ITGB1BP2: variants seen among roughly 807,000 people sequenced by gnomAD.
ITGB1BP2 encodes integrin beta-1-binding protein 2.
In ITGB1BP2, 27 loss-of-function variants were observed where a neutral mutation model predicts 32.2. That is an observed-to-expected ratio of 0.84 (90% CI 0.62 to 1.16). ITGB1BP2 has a LOEUF of 1.16. ITGB1BP2 is among the 50% of genes most tolerant of loss of function. The pLI is 0.00. For synonymous variants in ITGB1BP2, 105 were observed against 94.7 expected (o/e 1.11, Z -0.63); for missense variants, 250 against 267.3 (o/e 0.94, Z 0.45).
chrX:71,302,030 C>A, intron 1 of ITGB1BP2, 107 bp from the exon 2 acceptor site: 4 of 897,054 alleles, frequency 4.5e-6, no homozygotes, highest in Non-Finnish European at 6.1e-6. Context: ...TTTTTTTCTT[C>A]ACATTATATG....
Position 71,304,197 on chromosome X carries a change from C to T in ITGB1BP2, c.650C>T (p.Ser217Phe), listed in dbSNP as rs779283724. Residue 217 changes from serine (S) to phenylalanine (F), a missense_variant, in exon 9 of 11, where the codon TCT becomes TTT. Transcript: ENST00000373829. ...RHDWGKQLPA[S>F]CRHDWHQTDS... ...ACATCTTCTCTTTAGCTCCCAGCAT[C>T]TTGCCGCCATGATTGGCACCAGACA... 36 of 1,204,755 alleles carry T rather than the reference C, an allele frequency of 3.0e-5. No individual in the cohort carries two copies. In the Middle Eastern group the frequency reaches 6.9e-4, roughly 23 times the overall value.
Position 71,303,702 on chromosome X carries a change from G to C in ITGB1BP2, c.539+5G>C. ...AGCACCCCGATTCCATGAGGGGTGA[G>C]GGAGGGGACTGGGTGGGCTATGAGG... On this transcript the variant is annotated splice_donor_5th_base_variant and intron_variant, in intron 7 of 10. Transcript: ENST00000373829. 3 of 1,207,923 alleles carry C rather than the reference G, an allele frequency of 2.5e-6. No individual in the cohort carries two copies. Among genetic ancestry groups the C allele is most frequent in the Non-Finnish European group, 3.4e-6 (3 of 892,172 alleles).
chrX:71,302,293 G>A lies in ITGB1BP2; in HGVS notation c.131G>A (p.Arg44Gln), dbSNP rs1200838311. Residue 44 changes from arginine (R) to glutamine (Q), a missense_variant, in exon 3 of 11, where the codon CGA becomes CAA. Physicochemically the swap from Arg to Gln is conservative, Grantham distance 43 (BLOSUM62 1). Coordinates refer to ENST00000373829, the MANE Select transcript of ITGB1BP2 (RefSeq NM_012278.4). ...TGTTATCAGGGTTGGTCCTGCTGCCGAAAGCGAACTGTAGATTTCTCTGAG... is the reference window on the plus strand; with the variant it reads ...TGTTATCAGGGTTGGTCCTGCTGCCAAAAGCGAACTGTAGATTTCTCTGAG... ...HDALKGWSCC[R>Q]KRTVDFSEFL... The A allele has an allele frequency of 9.1e-6, 11 of 1,208,892 alleles. No homozygotes were observed. The highest frequency in any genetic ancestry group is 3.5e-5 in the African/African-American group (2 of 56,830).
chrX:71,303,881 CA>C lies in ITGB1BP2; in HGVS notation c.610del (p.Arg204GlufsTer25). 8.3e-7 allele frequency: 1 copy of C among 1,208,333 alleles called. No individual in the cohort carries two copies. Among genetic ancestry groups the C allele is most frequent in the Non-Finnish European group, 1.1e-6 (1 of 893,670 alleles). On this transcript the variant is annotated frameshift_variant, in exon 8 of 11. Transcript: ENST00000373829. LOFTEE classifies it high-confidence loss of function. ...GGGCATTCTTGGCACAACCAGGGTG[CA>C]GAGTCGGTAGACATGACTGGGGGAA... is the stretch of plus-strand genomic sequence containing the variant. ...FGAFLAQPGC[R>X]VGRHDWGKQL... is the part of the protein sequence containing the mutation.
Position 71,304,619 on chromosome X carries a change from G to A in ITGB1BP2, c.816+15G>A, listed in dbSNP as rs2148048706. On this transcript the variant is annotated intron_variant, in intron 10 of 10. Transcript: ENST00000373829. ...AGCTCTGGGGGGTAAGTGAAGACCAGGGGACACAAGAGTGGGAGGCAGATG... is the reference window on the plus strand; with the variant it reads ...AGCTCTGGGGGGTAAGTGAAGACCAAGGGACACAAGAGTGGGAGGCAGATG... The A allele has an allele frequency of 8.4e-7, 1 of 1,184,509 alleles. No homozygotes were observed. The highest frequency in any genetic ancestry group is 1.1e-6 in the Non-Finnish European group (1 of 875,967).
At position 71,303,826 on chromosome X, in the gene ITGB1BP2, G is replaced by T; in HGVS notation, c.554G>T (p.Ser185Ile). 4 of 1,208,696 alleles carry T rather than the reference G, an allele frequency of 3.3e-6. No homozygotes were observed. Among genetic ancestry groups the T allele is most frequent in the Non-Finnish European group, 4.5e-6 (4 of 893,644 alleles). ...PRFHEGMKSWSCCGIQTLDFG... is the reference protein window; with the variant it reads ...PRFHEGMKSWICCGIQTLDFG... ...TCCTACTTCAGGATGAAGTCTTGGA[G>T]CTGTTGTGGCATCCAGACCCTGGAT... is the stretch of plus-strand genomic sequence containing the variant. Residue 185 changes from serine to isoleucine, a missense_variant, in exon 8 of 11, where the codon AGC becomes ATC. Transcript: ENST00000373829.
chrX:71,301,931 G>A (rs1244286133), intron 1 of ITGB1BP2, 61 bp downstream of exon 1: 1 of 1,014,132 alleles, frequency 9.9e-7, no homozygotes, highest in East Asian at 3.0e-5. Context: ...CTGGTCAGCT[G>A]GGGGGCAGTG....
chrX:71,304,507 G>A (rs773057643), intron 9 of ITGB1BP2, 35 bp from the exon 10 acceptor site: 1 of 1,169,457 alleles, frequency 8.6e-7, no homozygotes, highest in African/African-American at 1.8e-5. Context: ...TGACCTTCTG[G>A]GTTTGTTACT....
chrX:71,305,037 C>A lies in ITGB1BP2; in HGVS notation c.889C>A (p.Pro297Thr), dbSNP rs767814739. The A allele has an allele frequency of 9.1e-6, 11 of 1,209,343 alleles. No homozygotes were observed. The highest frequency in any genetic ancestry group is 1.1e-5 in the Non-Finnish European group (10 of 895,051). ...RVEISLVKAD[P>T]GSWAQLEHPD... Reference sequence around the variant, plus strand: ...TGAAATCTCCCTGGTCAAGGCTGACCCAGGATCCTGGGCCCAGCTGGAGCA... The same window carrying A: ...TGAAATCTCCCTGGTCAAGGCTGACACAGGATCCTGGGCCCAGCTGGAGCA... Residue 297 changes from proline (P) to threonine (T), a missense_variant, in exon 11 of 11, where the codon CCA (proline) becomes ACA (threonine). Physicochemically the swap from Pro to Thr is conservative, Grantham distance 38. Coordinates refer to ENST00000373829, the MANE Select transcript of ITGB1BP2 (RefSeq NM_012278.4).
chrX:71,304,930 C>G, intron 10 of ITGB1BP2, 35 bp from the exon 11 acceptor site: 1 of 1,122,295 alleles, frequency 8.9e-7, no homozygotes, highest in South Asian at 1.8e-5. Context: ...TTTCCTCATT[C>G]TCTCTTTCTT....
At chrX:71,301,922 TGG>T in intron 1 of ITGB1BP2, 52 bp downstream of exon 1, 1 of 1,059,111 alleles carries the variant, frequency 9.4e-7, no homozygotes, top group Non-Finnish European at 1.3e-6. Flanking sequence ...TGTTGGGGAC[TGG>T]TCAGCTGGGG....
intron 4 of ITGB1BP2, among the ~76,000 whole-genome samples, chrX:71,302,813 T>A (rs1261598889): frequency 8.9e-6 from 1 of 111,842 alleles, no homozygotes; most frequent in Non-Finnish European, 1.9e-5. Context: ...ACATCCTTAG[T>A]GTATAACACA....
rs1337121710 is a variant in ITGB1BP2 at position 71,304,172 on chromosome X, A to G, written c.640-15A>G. 1.7e-5 allele frequency: 20 copies of G among 1,162,020 alleles called. No homozygotes were observed. The highest frequency in any genetic ancestry group is 2.3e-5 in the Non-Finnish European group (20 of 852,558). On this transcript the variant is annotated splice_polypyrimidine_tract_variant and intron_variant, in intron 8 of 10. Transcript: ENST00000373829. ...AATTTATTCTTACCACCTGCATTTC[A>G]CATCTTCTCTTTAGCTCCCAGCATC...
At chrX:71,302,208 T>A in intron 2 of ITGB1BP2, 22 bp downstream of exon 2, 2 of 1,210,202 alleles carry the variant, frequency 1.7e-6, no homozygotes, top group Non-Finnish European at 2.2e-6. Flanking sequence ...GTGAGGGGGG[T>A]TAGCAAGAGC....
chrX:71,303,207 G>C, intron 4 of ITGB1BP2, 55 bp from the exon 5 acceptor site: 1 of 1,011,846 alleles, frequency 9.9e-7, no homozygotes, highest in Non-Finnish European at 1.4e-6. Flanking sequence ...GGGAGTGTTG[G>C]AGCTAGCAAT....
Position 71,301,871 on chromosome X carries a change from G to A in ITGB1BP2, c.64+1G>A. On this transcript the variant is annotated splice_donor_variant, in intron 1 of 10. Transcript: ENST00000373829. LOFTEE classifies it high-confidence loss of function. ...TTTGACCCTAATACCAACCTTCCTG[G>A]TGAGTAAAGAATCCTGACCTGGCCA... 1 of 1,201,266 alleles carries A rather than the reference G, an allele frequency of 8.3e-7. No individual in the cohort carries two copies. Among genetic ancestry groups the A allele is most frequent in the African/African-American group, 1.7e-5 (1 of 57,523 alleles).
At position 71,304,914 on chromosome X, in the gene ITGB1BP2, C is replaced by T. The variant is rs773239130; in HGVS notation, c.817-51C>T. On this transcript the variant is annotated intron_variant, in intron 10 of 10. Transcript: ENST00000373829. Reference sequence around the variant, plus strand: ...CACCACTCCACCCTGACCCCAATGCCTTTGATTTCCTCATTCTCTCTTTCT... The same window carrying T: ...CACCACTCCACCCTGACCCCAATGCTTTTGATTTCCTCATTCTCTCTTTCT... 2.8e-4 allele frequency: 293 copies of T among 1,060,278 alleles called. No individual in the cohort carries two copies. In the South Asian group the frequency reaches 5.2e-3, roughly 19 times the overall value. 87.4% of individuals were successfully genotyped at this position (1,060,278 alleles called of 1,213,427 possible). A position where few individuals can be genotyped will look rare whatever the true frequency, so the allele number is the denominator to read the frequency against.
At position 71,304,222 on chromosome X, in the gene ITGB1BP2, A is replaced by AG; in HGVS notation, c.676dup (p.Asp226GlyfsTer18). On this transcript the variant is annotated frameshift_variant, in exon 9 of 11. Coordinates refer to ENST00000373829, the MANE Select transcript of ITGB1BP2 (RefSeq NM_012278.4). LOFTEE classifies it high-confidence loss of function. ...CTTGCCGCCATGATTGGCACCAGAC[A>AG]GATTCCTTAGTAGTGGTGACTGTAT... 1 of 1,210,754 alleles carries AG rather than the reference A, an allele frequency of 8.3e-7. No homozygotes were observed. The highest frequency in any genetic ancestry group is 3.0e-5 in the East Asian group (1 of 33,842).
rs1180546948 is a variant in ITGB1BP2, at chrX:71,304,974, G to A, written c.826G>A (p.Val276Met). The change falls in exon 11 of 11, where the codon GTG becomes ATG. Residue 276 changes from valine (V) to methionine (M), a missense_variant. Physicochemically the swap from Val to Met is conservative, Grantham distance 21. Transcript: ENST00000373829. Reference sequence around the variant, plus strand: ...CTTTGCTCCTCCTCAGGTCATAAACGTGGAGCAGAGCTCTGTCTTCTTGAT... The same window carrying A: ...CTTTGCTCCTCCTCAGGTCATAAACATGGAGCAGAGCTCTGTCTTCTTGAT... ...AQMKLWGVIN[V>M]EQSSVFLMPS... 16 of 1,205,684 alleles carry A rather than the reference G, an allele frequency of 1.3e-5. No homozygotes were observed. Among genetic ancestry groups the A allele is most frequent in the Admixed American group, 4.4e-5 (2 of 45,505 alleles).
Sources: allele counts gnomAD v4.1 joint callset (sites outside exome capture counted in the v4.1 genomes callset), GRCh38; gene constraint gnomAD v4.1.1; transcripts MANE v1.5; gene names NCBI Gene and HGNC (gene_info 2026-07-23, HGNC 2026-07-21).